Variants in CNTNAP4 observed in about 807,000 individuals in gnomAD.
CNTNAP4 encodes contactin-associated protein-like 4.
In CNTNAP4, 98 loss-of-function variants were observed where a neutral mutation model predicts 148.4. That is an observed-to-expected ratio of 0.66 (90% CI 0.56 to 0.78). The LOEUF (loss-of-function observed/expected upper bound fraction) is 0.78. CNTNAP4 is among the 30% of genes least tolerant of loss of function. CNTNAP4 has a pLI of 0.00. For synonymous variants in CNTNAP4, 730 were observed against 565.1 expected, an observed-to-expected ratio of 1.29 and a Z score of -4.14; for missense variants, 1,935 against 1,565.6, an observed-to-expected ratio of 1.24 and a Z score of -3.98.
At chr16:76,545,882 A>G (rs983248977) in intron 21 of CNTNAP4, among the ~76,000 whole-genome samples, 4 of 152,064 alleles carry the variant, frequency 2.6e-5, no homozygotes, top group Admixed American at 2.6e-4. Context: ...CTAAAATACA[A>G]AAATTAGCCG....
intron 9 of CNTNAP4, among the ~76,000 whole-genome samples, chr16:76,463,223 C>T (rs2081048362): frequency 6.6e-6 from 1 of 152,108 alleles, no homozygotes; most frequent in African/African-American, 2.4e-5. Context: ...ATATATAGAA[C>T]AACTTAACCC....
At position 76,467,481 on chromosome 16, in the gene CNTNAP4, A is replaced by G; in HGVS notation, c.1613A>G (p.Asn538Ser). 2 of 1,613,870 alleles carry G rather than the reference A, an allele frequency of 1.2e-6. No homozygotes were observed. Among genetic ancestry groups the G allele is most frequent in the East Asian group, 2.2e-5 (1 of 44,846 alleles). ...LISVQQGSLG[N>S]FSDLQIDSCG... is the part of the protein sequence containing the mutation. ...TCAGTTCAGCAGGGGTCCCTTGGGA[A>G]CTTCAGTGACCTTCAGATAGACTCA... Residue 538 changes from asparagine to serine, a missense_variant, in exon 10 of 24, where the codon AAC becomes AGC. Asn to Ser is a conservative substitution (Grantham distance 46). Transcript: ENST00000611870.
chr16:76,343,372 C>A (rs922670026), intron 2 of CNTNAP4, among the ~76,000 whole-genome samples: 1 of 152,120 alleles, frequency 6.6e-6, no homozygotes, highest in South Asian at 2.1e-4. Flanking sequence ...ATAAACAGAG[C>A]AAAATGATAT....
intron 4 of CNTNAP4, among the ~76,000 whole-genome samples, chr16:76,429,954 C>A (rs1446025194): frequency 6.6e-6 from 1 of 152,114 alleles, no homozygotes; most frequent in Admixed American, 6.6e-5. Flanking sequence ...GGTTGTGTAA[C>A]TTTAAACCAT....
intron 4 of CNTNAP4, among the ~76,000 whole-genome samples, chr16:76,444,731 T>C (rs904497967): frequency 2.4e-4 from 36 of 152,192 alleles, no homozygotes; most frequent in African/African-American, 8.4e-4. Context: ...ATATCTAAAA[T>C]AATACTGTTA....
At chr16:76,354,715 T>C (rs1041901431) in intron 2 of CNTNAP4, among the ~76,000 whole-genome samples, 1 of 152,066 alleles carries the variant, frequency 6.6e-6, no homozygotes, top group African/African-American at 2.4e-5. Flanking sequence ...CTGGATAGAG[T>C]TGTGTTATTT....
chr16:76,437,995 A>G (rs1377338618), intron 4 of CNTNAP4, among the ~76,000 whole-genome samples: 1 of 152,170 alleles, frequency 6.6e-6, no homozygotes, highest in African/African-American at 2.4e-5. Context: ...AGTTTAAGGT[A>G]TTAATAAAAT....
intron 23 of CNTNAP4, among the ~76,000 whole-genome samples, chr16:76,556,181 T>C (rs117347605): frequency 7.0e-4 from 106 of 152,164 alleles, no homozygotes; most frequent in Non-Finnish European, 1.3e-3. Context: ...TAATAATACA[T>C]TTAAAAGTGG....
chr16:76,454,424 C>T (rs911573336), intron 8 of CNTNAP4, among the ~76,000 whole-genome samples: 1 of 152,096 alleles, frequency 6.6e-6, no homozygotes, highest in African/African-American at 2.4e-5. Flanking sequence ...TTAAAAATTT[C>T]TAAATGAATG....
chr16:76,363,020 A>G (rs1250493569), intron 3 of CNTNAP4, among the ~76,000 whole-genome samples: 1 of 151,942 alleles, frequency 6.6e-6, no homozygotes, highest in Non-Finnish European at 1.5e-5. Context: ...CAGGAGTTCA[A>G]GACCAGCCTG....
intron 2 of CNTNAP4, among the ~76,000 whole-genome samples, chr16:76,347,645 G>T (rs1347622390): frequency 6.6e-6 from 1 of 152,120 alleles, no homozygotes; most frequent in Non-Finnish European, 1.5e-5. Flanking sequence ...TCGAGCAAGA[G>T]ACTTATAGGC....
Position 76,363,054 on chromosome 16 carries a change from C to G in CNTNAP4, c.390+7543C>G, listed in dbSNP as rs375790452. Among the ~76,000 whole-genome samples, 441 of 141,152 alleles carry G rather than the reference C, an allele frequency of 3.1e-3. 2 individuals carry two copies. Among genetic ancestry groups the G allele is most frequent in the African/African-American group, 0.011 (408 of 37,728 alleles). 92.6% of individuals were successfully genotyped at this position (141,152 alleles called of 152,430 possible). On this transcript the variant is annotated intron_variant, in intron 3 of 23. Coordinates refer to ENST00000611870, the MANE Select transcript of CNTNAP4 (RefSeq NM_033401.5). The stretch of plus-strand genomic sequence containing the variant: ...TGGGCAATATAGCAAGACCCATGCT[C>G]TATTAAAAAAAAAAAAATAGACAAT...
rs193199125 is a variant in CNTNAP4 at position 76,518,397 on chromosome 16, G to T, written c.2366-2743G>T. The stretch of plus-strand genomic sequence containing the variant: ...CCCACCTCAGCCCCCAAAAGTGCTG[G>T]GATTACAGGCATGAGCCACCGTGCC... On this transcript the variant is annotated intron_variant, in intron 15 of 23. Transcript: ENST00000611870. Among the ~76,000 whole-genome samples, 812 of 152,018 alleles carry T rather than the reference G, an allele frequency of 5.3e-3. 18 individuals carry two copies. Among genetic ancestry groups the T allele is most frequent in the Admixed American group, 0.043 (660 of 15,260 alleles).
chr16:76,420,216 TATATTA>T (rs1387442666), intron 3 of CNTNAP4, among the ~76,000 whole-genome samples: 1 of 150,752 alleles, frequency 6.6e-6, no homozygotes, highest in East Asian at 2.0e-4. Flanking sequence ...CTGTAGAATA[TATATTA>T]GAATAATGTA....
chr16:76,504,341 A>G (rs757374916), intron 15 of CNTNAP4, among the ~76,000 whole-genome samples: 29 of 152,134 alleles, frequency 1.9e-4, no homozygotes, highest in Admixed American at 8.5e-4. Context: ...GGGGAACTCA[A>G]TGATGAAAGG....
rs116315987 is a variant in CNTNAP4 at position 76,510,326 on chromosome 16, C to T, written c.2366-10814C>T. 3.4e-3 allele frequency among the ~76,000 whole-genome samples: 514 copies of T among 152,194 alleles called. 2 individuals are homozygous for T. The highest frequency in any genetic ancestry group is 9.0e-3 in the African/African-American group (372 of 41,510). On this transcript the variant is annotated intron_variant, in intron 15 of 23. Coordinates refer to ENST00000611870, the MANE Select transcript of CNTNAP4 (RefSeq NM_033401.5). ...TCATCAGTGTTGTAGAATACATCAA[C>T]GCTTCATTCTTTTTTATGACCAAAT... is the stretch of plus-strand genomic sequence containing the variant.
intron 17 of CNTNAP4, among the ~76,000 whole-genome samples, chr16:76,524,993 T>C (rs1009536590): frequency 1.3e-5 from 2 of 151,878 alleles, no homozygotes; most frequent in Non-Finnish European, 2.9e-5. Context: ...ACACTTGTAG[T>C]CTTGGGTAGA....
At chr16:76,393,188 A>G (rs776389938) in intron 3 of CNTNAP4, among the ~76,000 whole-genome samples, 1 of 152,134 alleles carries the variant, frequency 6.6e-6, no homozygotes, top group Non-Finnish European at 1.5e-5. Flanking sequence ...TATGGTTGCT[A>G]TGGTTATTCT....
chr16:76,411,939 G>A (rs1299769512), intron 3 of CNTNAP4, among the ~76,000 whole-genome samples: 1 of 151,336 alleles, frequency 6.6e-6, no homozygotes, highest in African/African-American at 2.4e-5. Context: ...TAACTTTCAT[G>A]CCCTTACTGT....
Sources: gnomAD v4.1 joint callset for allele counts (sites outside exome capture counted in the v4.1 genomes callset) on GRCh38, gnomAD v4.1.1 for gene constraint, MANE v1.5 for transcripts, NCBI Gene and HGNC (gene_info 2026-07-23, HGNC 2026-07-21) for gene names.